HNRNPA3: variants seen among roughly 807,000 people sequenced by gnomAD.
HNRNPA3 encodes the protein heterogeneous nuclear ribonucleoprotein A3.
Under a neutral mutation model 45.8 loss-of-function variants are expected in HNRNPA3, and 3 were observed. The observed-to-expected ratio is 0.07, with a 90% CI of 0.03 to 0.17. The LOEUF (loss-of-function observed/expected upper bound fraction) is 0.17. Ranked by LOEUF, HNRNPA3 falls within the 10% of genes least tolerant of loss-of-function variation. HNRNPA3 has a pLI of 1.00. For missense variants in HNRNPA3, 183 were observed against 480.3 expected (o/e 0.38, Z 5.79); for synonymous variants, 170 against 155.6 (o/e 1.09, Z -0.69).
In HNRNPA3 at chr2:177,216,841, ATTTCT is replaced by A; in HGVS notation, c.740-17_740-13del. 1 of 1,612,548 alleles carries A rather than the reference ATTTCT, an allele frequency of 6.2e-7. No homozygotes were observed. The highest frequency in any genetic ancestry group is 1.1e-5 in the South Asian group (1 of 90,594). ...TAAGTTGAATATATTATTTTAATTC[ATTTCT>A]TGTTTTTCCTCAGGAGGCTATGGTG... is the stretch of plus-strand genomic sequence containing the variant. On this transcript the variant is annotated splice_polypyrimidine_tract_variant and intron_variant, in intron 6 of 10. Transcript: ENST00000392524.
At chr2:177,215,315 G>C (rs1688886715) in intron 1 of HNRNPA3, among the ~76,000 whole-genome samples, 1 of 152,074 alleles carries the variant, frequency 6.6e-6, no homozygotes, top group African/African-American at 2.4e-5. Context: ...GGCTGGTCTC[G>C]AACTCCTGAC....
At chr2:177,214,446 G>A (rs886597820) in intron 1 of HNRNPA3, among the ~76,000 whole-genome samples, 1 of 152,156 alleles carries the variant, frequency 6.6e-6, no homozygotes, top group Non-Finnish European at 1.5e-5. Context: ...AAAGCAGTGA[G>A]TTTCTGTAAG....
rs561587315 is a variant in HNRNPA3 at position 177,214,230 on chromosome 2, T to G, written c.73-1309T>G. 6.6e-5 allele frequency among the ~76,000 whole-genome samples: 10 copies of G among 152,394 alleles called. No homozygotes were observed. In the South Asian group the frequency reaches 1.7e-3, roughly 25 times the overall value. ...TTTGTTTTGCTGTACTCCGTTCTTATAGTCAGACAATACATACCATTCCTA... is the reference window on the plus strand; with the variant it reads ...TTTGTTTTGCTGTACTCCGTTCTTAGAGTCAGACAATACATACCATTCCTA... On this transcript the variant is annotated intron_variant, in intron 1 of 10. Coordinates refer to ENST00000392524, the Ensembl canonical transcript of HNRNPA3.
In HNRNPA3 at chr2:177,219,212, G is replaced by A. The variant is rs112188820; in HGVS notation, c.1085-35G>A. On this transcript the variant is annotated intron_variant, in intron 9 of 10. Coordinates refer to ENST00000392524, the Ensembl canonical transcript of HNRNPA3. The stretch of plus-strand genomic sequence containing the variant: ...AGAGCCTTTTTAATTTAAAAAATGT[G>A]CATACTTCTTTTAAAATACTATGTA... 68 of 1,611,232 alleles carry A rather than the reference G, an allele frequency of 4.2e-5. 3 individuals carry two copies. The African/African-American group carries it at 4.9e-4, about 12-fold the overall frequency.
chr2:177,217,618 C>A, intron 7 of HNRNPA3, 87 bp from the exon 8 acceptor site: 1 of 1,526,002 alleles, frequency 6.6e-7, no homozygotes, highest in Non-Finnish European at 9.1e-7. Context: ...CAGAGCAAGA[C>A]CCAGTCTCTT....
intron 1 of HNRNPA3, among the ~76,000 whole-genome samples, chr2:177,213,451 T>C (rs1477603556): frequency 6.6e-6 from 1 of 152,260 alleles, no homozygotes; most frequent in Non-Finnish European, 1.5e-5. Context: ...GCCGACGCTT[T>C]TCTAGGCCTT....
At chr2:177,213,176 C>G (rs1254496153) in intron 1 of HNRNPA3, among the ~76,000 whole-genome samples, 2 of 142,556 alleles carry the variant, frequency 1.4e-5, no homozygotes, top group African/African-American at 5.2e-5. Context: ...TGGCGGGCCC[C>G]GGCGGGAGCG....
At chr2:177,214,025 T>G (rs1470217575) in intron 1 of HNRNPA3, among the ~76,000 whole-genome samples, 1 of 152,220 alleles carries the variant, frequency 6.6e-6, no homozygotes, top group Non-Finnish European at 1.5e-5. Flanking sequence ...CGGTTTAACA[T>G]CTCTACCTCT....
At chr2:177,218,395 A>G (rs1689050043) in intron 8 of HNRNPA3, among the ~76,000 whole-genome samples, 1 of 152,194 alleles carries the variant, frequency 6.6e-6, no homozygotes, top group Admixed American at 6.5e-5. Flanking sequence ...GTAGTAAAAA[A>G]TGGACATTTA....
chr2:177,221,875 A>G (rs1689198239), downstream of HNRNPA3: 1 of 152,682 alleles, frequency 6.5e-6, no homozygotes, highest in Non-Finnish European at 1.5e-5. Flanking sequence ...AAGAAAGTCT[A>G]GCAGGAAGGA....
At chr2:177,216,981 TCTTTA>T (rs571861459) in intron 7 of HNRNPA3, 41 bp downstream of exon 7, 264 of 1,430,844 alleles carry the variant, frequency 1.8e-4, no homozygotes, top group African/African-American at 1.5e-3. Flanking sequence ...ATTTTAACTT[TCTTTA>T]CTTATTGAAA....
intron 1 of HNRNPA3, among the ~76,000 whole-genome samples, chr2:177,215,336 C>A (rs1574239520): frequency 6.6e-6 from 1 of 152,270 alleles, no homozygotes; most frequent in African/African-American, 2.4e-5. Flanking sequence ...CTCAGGTAAT[C>A]CATCTGCCTC....
rs1688916552 is a variant in HNRNPA3 at position 177,215,958 on chromosome 2, ATATAT to A, written c.343-17_343-13del. On this transcript the variant is annotated splice_polypyrimidine_tract_variant and intron_variant, in intron 3 of 10. Coordinates refer to ENST00000392524, the Ensembl canonical transcript of HNRNPA3. Reference sequence around the variant, plus strand: ...TTGTGAAAGTTTGTTTCTTGACTTAATATATTACTTTATTTGTAGGATTCTGTAAA... The same window carrying A: ...TTGTGAAAGTTTGTTTCTTGACTTAATACTTTATTTGTAGGATTCTGTAAA... 6.2e-7 allele frequency: 1 copy of A among 1,600,514 alleles called. No homozygotes were observed. Among genetic ancestry groups the A allele is most frequent in the Admixed American group, 1.8e-5 (1 of 56,582 alleles).
intron 4 of HNRNPA3, 107 bp from the exon 5 acceptor site, chr2:177,216,396 A>G (rs867152764): frequency 3.7e-6 from 3 of 809,730 alleles, no homozygotes; most frequent in Middle Eastern, 2.7e-4. Flanking sequence ...CAGAGTCACT[A>G]CCTGATTATG....
At chr2:177,223,662 A>C (rs1330363605), downstream of HNRNPA3, 1 of 152,236 alleles carries the variant, frequency 6.6e-6, no homozygotes, top group Non-Finnish European at 1.5e-5. Context: ...ATTAGTGAAT[A>C]AGCATGCCAG....
chr2:177,215,637 A>G, exon 2 of HNRNPA3: 1 of 1,613,988 alleles, frequency 6.2e-7, no homozygotes, highest in African/African-American at 1.3e-5. Context: ...ATTTTGAGAA[A>G]TGGGGCACAC....
intron 8 of HNRNPA3, 68 bp downstream of exon 8, chr2:177,217,913 T>C (rs1430104018): frequency 7.1e-7 from 1 of 1,401,064 alleles, no homozygotes; most frequent in Non-Finnish European, 9.6e-7. Context: ...ATGACACATA[T>C]TTGGAAAGTG....
At chr2:177,214,361 GC>G (rs1412022075) in intron 1 of HNRNPA3, among the ~76,000 whole-genome samples, 1 of 151,976 alleles carries the variant, frequency 6.6e-6, no homozygotes, top group African/African-American at 2.4e-5. Flanking sequence ...TATTTGATCG[GC>G]TTTTTTTTTT....
chr2:177,218,836 T>C (rs1689073080), intron 8 of HNRNPA3, among the ~76,000 whole-genome samples: 1 of 152,242 alleles, frequency 6.6e-6, no homozygotes, highest in African/African-American at 2.4e-5. Flanking sequence ...AGAGAGAACA[T>C]GCGCCTAGAG....
Sources: allele counts gnomAD v4.1 joint callset (sites outside exome capture counted in the v4.1 genomes callset), GRCh38; gene constraint gnomAD v4.1.1; transcripts MANE v1.5; gene names NCBI Gene and HGNC (gene_info 2026-07-23, HGNC 2026-07-21).